RPSA2: variants seen among roughly 807,000 people sequenced by gnomAD.
The protein encoded by RPSA2 is ribosomal protein SA 2.
the RPSA2 span, among the ~76,000 whole-genome samples, chr19:23,786,711 A>G: frequency 6.6e-6 from 1 of 152,002 alleles, no homozygotes; most frequent in African/African-American, 2.4e-5. Context: ...CTCTGCTCAC[A>G]GAGAAATTGT....
the RPSA2 span, among the ~76,000 whole-genome samples, chr19:23,862,900 T>C: frequency 0.015 from 2,290 of 151,390 alleles, 53 homozygotes; most frequent in African/African-American, 0.052. Context: ...TTCTTTCTTT[T>C]TTTTTTTTTT....
the RPSA2 span, among the ~76,000 whole-genome samples, chr19:23,842,062 G>A: frequency 6.6e-6 from 1 of 152,154 alleles, no homozygotes; most frequent in Non-Finnish European, 1.5e-5. Context: ...TTTTCCTTAA[G>A]CTAGAATGAT....
chr19:23,838,380 A>G, the RPSA2 span, among the ~76,000 whole-genome samples: 1 of 152,112 alleles, frequency 6.6e-6, no homozygotes, highest in African/African-American at 2.4e-5. Flanking sequence ...TATCAAGGAT[A>G]TGGGTCTGTA....
the RPSA2 span, among the ~76,000 whole-genome samples, chr19:23,830,404 C>A: frequency 6.6e-6 from 1 of 152,304 alleles, no homozygotes; most frequent in East Asian, 1.9e-4. Flanking sequence ...CTCTGCCTCC[C>A]AAAGTGCCTG....
At chr19:23,760,564 C>T in the RPSA2 span, among the ~76,000 whole-genome samples, 3 of 151,712 alleles carry the variant, frequency 2.0e-5, no homozygotes, top group African/African-American at 4.8e-5. Flanking sequence ...CCAAATCTCA[C>T]CGAGCTGTAG....
chr19:23,845,969 T>C, the RPSA2 span, among the ~76,000 whole-genome samples: 1 of 152,214 alleles, frequency 6.6e-6, no homozygotes, highest in Non-Finnish European at 1.5e-5. Context: ...ATTTGCCAGC[T>C]TTCCTATCTC....
chr19:23,793,263 G>A, the RPSA2 span, among the ~76,000 whole-genome samples: 1 of 148,846 alleles, frequency 6.7e-6, no homozygotes, highest in African/African-American at 2.5e-5. Context: ...CACAAAGGAT[G>A]AGAATTTTAT....
chr19:23,843,826 C>T, the RPSA2 span, among the ~76,000 whole-genome samples: 3 of 152,098 alleles, frequency 2.0e-5, no homozygotes, highest in Non-Finnish European at 4.4e-5. Context: ...ATGGCATGGT[C>T]TCAGCTTACC....
chr19:23,864,612 G>A, the RPSA2 span, among the ~76,000 whole-genome samples: 1 of 151,932 alleles, frequency 6.6e-6, no homozygotes. Flanking sequence ...TTCTAAAGTT[G>A]GCTTATATAT....
the RPSA2 span, among the ~76,000 whole-genome samples, chr19:23,843,464 T>A: frequency 6.6e-6 from 1 of 152,214 alleles, no homozygotes; most frequent in South Asian, 2.1e-4. Context: ...CTTTATGGAC[T>A]CTACTTCCTA....
the RPSA2 span, among the ~76,000 whole-genome samples, chr19:23,865,188 T>G: frequency 6.6e-6 from 1 of 152,236 alleles, no homozygotes; most frequent in Admixed American, 6.5e-5. Context: ...GTCAGTGCTC[T>G]AAAAAAGTAC....
At chr19:23,790,299 A>T in the RPSA2 span, among the ~76,000 whole-genome samples, 1 of 152,196 alleles carries the variant, frequency 6.6e-6, no homozygotes, top group East Asian at 1.9e-4. Context: ...ACCCGGCCTG[A>T]TTTTCTCTTG....
chr19:23,759,522 G>GTTTTTTTTTTTTTTTTTTTT, the RPSA2 span, among the ~76,000 whole-genome samples: 1 of 89,034 alleles, frequency 1.1e-5, no homozygotes, highest in East Asian at 3.8e-4. Context: ...TATATATCAG[G>GTTTTTTTTTTTTTTTTTTTT]TTTTTTTTTT....
At chr19:23,820,022 C>T in the RPSA2 span, among the ~76,000 whole-genome samples, 2 of 152,212 alleles carry the variant, frequency 1.3e-5, no homozygotes, top group South Asian at 2.1e-4. Flanking sequence ...ACTTCTCGTG[C>T]TTTCTCAGTC....
At chr19:23,763,410 T>A in the RPSA2 span, among the ~76,000 whole-genome samples, 1 of 152,192 alleles carries the variant, frequency 6.6e-6, no homozygotes, top group Admixed American at 6.5e-5. Flanking sequence ...AGGCGGGTCA[T>A]AAGAGCAGAA....
chr19:23,846,693 C>T, the RPSA2 span, among the ~76,000 whole-genome samples: 2 of 152,196 alleles, frequency 1.3e-5, no homozygotes, highest in African/African-American at 4.8e-5. Context: ...ATCCTGTTCT[C>T]TTCTGGCCAG....
At chr19:23,791,390 C>A in the RPSA2 span, among the ~76,000 whole-genome samples, 1 of 152,182 alleles carries the variant, frequency 6.6e-6, no homozygotes, top group Admixed American at 6.5e-5. Context: ...AAGCCTGAAG[C>A]TTGTTTCCGG....
At chr19:23,840,783 C>G in the RPSA2 span, among the ~76,000 whole-genome samples, 6 of 135,258 alleles carry the variant, frequency 4.4e-5, no homozygotes, top group Non-Finnish European at 3.1e-5. Context: ...CACGGTGAAA[C>G]CCCATCTCTA....
the RPSA2 span, among the ~76,000 whole-genome samples, chr19:23,789,778 C>T: frequency 6.6e-6 from 1 of 151,344 alleles, no homozygotes; most frequent in Non-Finnish European, 1.5e-5. Context: ...GGCACACTCT[C>T]GGCTAACTGC....
Sources: allele counts gnomAD v4.1 joint callset (sites outside exome capture counted in the v4.1 genomes callset), GRCh38; gene constraint gnomAD v4.1.1; transcripts MANE v1.5; gene names NCBI Gene and HGNC (gene_info 2026-07-23, HGNC 2026-07-21).